WNT3A: variants seen among roughly 807,000 people sequenced by gnomAD.
The protein encoded by WNT3A is protein Wnt-3a.
Under a neutral mutation model 37.0 loss-of-function variants are expected in WNT3A, and 17 were observed. The observed-to-expected ratio is 0.46, with a 90% CI of 0.31 to 0.69. The LOEUF (loss-of-function observed/expected upper bound fraction) is 0.69, where lower values mean the gene tolerates loss of function less well. Among genes scored for constraint, WNT3A ranks in the 30% least tolerant of loss-of-function variants. The pLI is 0.05. For missense variants in WNT3A, 411 were observed against 510.2 expected, an observed-to-expected ratio of 0.81 and a Z score of 1.87; for synonymous variants, 187 against 211.0, an observed-to-expected ratio of 0.89 and a Z score of 0.99.
At chr1:228,057,985 C>T (rs890747702) in intron 3 of WNT3A, among the ~76,000 whole-genome samples, 2 of 152,150 alleles carry the variant, frequency 1.3e-5, no homozygotes, top group African/African-American at 2.4e-5. Context: ...CACAGGTTCC[C>T]GCCACCACGC....
At chr1:228,016,463 C>A (rs1365693458) in intron 1 of WNT3A, among the ~76,000 whole-genome samples, 2 of 152,102 alleles carry the variant, frequency 1.3e-5, no homozygotes, top group Non-Finnish European at 2.9e-5. Flanking sequence ...GGCCACCACC[C>A]ATGTCCCCCT....
chr1:228,007,831 G>A lies in WNT3A; in HGVS notation c.71+632G>A, dbSNP rs543237349. Reference sequence around the variant, plus strand: ...CAGGGGCCCTCTCTGCGAGCCCTCCGCATGGGTCCACCTGGCAATGAGGGG... The same window carrying A: ...CAGGGGCCCTCTCTGCGAGCCCTCCACATGGGTCCACCTGGCAATGAGGGG... On this transcript the variant is annotated intron_variant, in intron 1 of 3. Coordinates refer to ENST00000284523, the MANE Select transcript of WNT3A (RefSeq NM_033131.4). The surrounding 1 kb of genome is among the most constrained non-coding windows in gnomAD (Gnocchi z 6.0). 2.0e-5 allele frequency among the ~76,000 whole-genome samples: 3 copies of A among 151,040 alleles called. No individual in the cohort carries two copies. The highest frequency in any genetic ancestry group is 2.9e-5 in the Non-Finnish European group (2 of 67,822).
chr1:228,058,291 CCTGT>C (rs1200848089), intron 3 of WNT3A, among the ~76,000 whole-genome samples: 3 of 152,202 alleles, frequency 2.0e-5, no homozygotes, highest in Non-Finnish European at 4.4e-5. Context: ...CTCATGGGCT[CCTGT>C]CTGTCCAGTG....
At chr1:228,026,997 C>T (rs947222535) in intron 2 of WNT3A, among the ~76,000 whole-genome samples, 11 of 152,140 alleles carry the variant, frequency 7.2e-5, no homozygotes, top group Non-Finnish European at 1.5e-4. Flanking sequence ...CACCAGCCAC[C>T]AAGCCCCACT....
At chr1:228,044,354 A>C (rs1249049378) in intron 2 of WNT3A, among the ~76,000 whole-genome samples, 1 of 152,126 alleles carries the variant, frequency 6.6e-6, no homozygotes, top group African/African-American at 2.4e-5. Flanking sequence ...GACGTCACTC[A>C]GCTTTCCTTC....
chr1:228,018,796 C>T (rs951911135), intron 1 of WNT3A, among the ~76,000 whole-genome samples: 3 of 152,194 alleles, frequency 2.0e-5, no homozygotes, highest in Non-Finnish European at 4.4e-5. Context: ...TGCTCCCTGG[C>T]CCCACAGGAG....
intron 1 of WNT3A, among the ~76,000 whole-genome samples, chr1:228,015,567 C>G (rs708119): frequency 0.29 from 44,093 of 152,054 alleles, 6,848 homozygotes; most frequent in South Asian, 0.42. Context: ...CTCAGCCTCT[C>G]CCCGGGGACT....
intron 3 of WNT3A, among the ~76,000 whole-genome samples, chr1:228,057,464 C>G (rs1319323059): frequency 3.3e-5 from 5 of 152,194 alleles, no homozygotes; most frequent in African/African-American, 9.7e-5. Context: ...AACTGTTGGA[C>G]TCTTCCAAGT....
chr1:228,023,466 G>A (rs2030780434), intron 2 of WNT3A, among the ~76,000 whole-genome samples: 1 of 151,460 alleles, frequency 6.6e-6, no homozygotes, highest in South Asian at 2.1e-4. Flanking sequence ...GAGACAGAGA[G>A]GGACAGAGCG....
chr1:228,014,856 C>A (rs1479821889), intron 1 of WNT3A, among the ~76,000 whole-genome samples: 1 of 152,214 alleles, frequency 6.6e-6, no homozygotes, highest in Non-Finnish European at 1.5e-5. Context: ...GGAAGAAAAA[C>A]CATTAGTGCT....
chr1:228,060,080 C>T lies in WNT3A; in HGVS notation c.*615C>T, dbSNP rs879768146. 39 of 1,233,656 alleles carry T rather than the reference C, an allele frequency of 3.2e-5. No individual in the cohort carries two copies. Among genetic ancestry groups the T allele is most frequent in the South Asian group, 7.0e-5 (5 of 71,424 alleles). 76.4% of individuals were successfully genotyped at this position (1,233,656 alleles called of 1,614,324 possible). A position where few individuals can be genotyped will look rare whatever the true frequency, so the allele number is the denominator to read the frequency against. ...TGTGGCTCTGGGTGGGCGTGGCCTG[C>T]ATAGGCTCCTTCCTGTGGGTGGGGC... On this transcript the variant is annotated 3_prime_UTR_variant, in exon 4 of 4. Transcript: ENST00000284523.
At chr1:228,032,047 C>T (rs1199358674) in intron 2 of WNT3A, among the ~76,000 whole-genome samples, 2 of 152,182 alleles carry the variant, frequency 1.3e-5, no homozygotes, top group African/African-American at 4.8e-5. Flanking sequence ...CCCTGCTACC[C>T]TCGGGAATCT....
At position 228,039,216 on chromosome 1, in the gene WNT3A, A is replaced by G. The variant is rs2031217421; in HGVS notation, c.314-11440A>G. Among the ~76,000 whole-genome samples the G allele has an allele frequency of 6.6e-6, 1 of 152,298 alleles. No individual in the cohort carries two copies. The highest frequency in any genetic ancestry group is 1.9e-4 in the East Asian group (1 of 5,184). Reference sequence around the variant, plus strand: ...AGGTGAGCATGGGTCAACATCAAGAAGCAGACTGGGCAAAGGCGGCATCCC... The same window carrying G: ...AGGTGAGCATGGGTCAACATCAAGAGGCAGACTGGGCAAAGGCGGCATCCC... On this transcript the variant is annotated intron_variant, in intron 2 of 3. Transcript: ENST00000284523. The surrounding 1 kb of genome is among the most constrained non-coding windows in gnomAD (Gnocchi z 4.1).
At chr1:228,012,378 G>A (rs1281463769) in intron 1 of WNT3A, among the ~76,000 whole-genome samples, 1 of 152,248 alleles carries the variant, frequency 6.6e-6, no homozygotes, top group Non-Finnish European at 1.5e-5. Flanking sequence ...ATTTAAAAAG[G>A]ATTTGGTGAC....
chr1:228,046,429 C>T (rs1374137172), intron 2 of WNT3A, among the ~76,000 whole-genome samples: 1 of 146,412 alleles, frequency 6.8e-6, no homozygotes, highest in Non-Finnish European at 1.5e-5. Flanking sequence ...TGCATGCATG[C>T]ATATGTATGT....
chr1:228,055,179 A>AAAAAAATATATAT (rs2031655964), intron 3 of WNT3A, among the ~76,000 whole-genome samples: 1 of 19,290 alleles, frequency 5.2e-5, no homozygotes, highest in African/African-American at 2.2e-4. Flanking sequence ...AAAAAAAAAA[A>AAAAAAATATATAT]ATATATATAT....
In WNT3A at chr1:228,039,112, G is replaced by A. The variant is rs1289406112; in HGVS notation, c.314-11544G>A. Among the ~76,000 whole-genome samples, 1 of 152,202 alleles carries A rather than the reference G, an allele frequency of 6.6e-6. No homozygotes were observed. Among genetic ancestry groups the A allele is most frequent in the Non-Finnish European group, 1.5e-5 (1 of 68,024 alleles). On this transcript the variant is annotated intron_variant, in intron 2 of 3. Coordinates refer to ENST00000284523, the MANE Select transcript of WNT3A (RefSeq NM_033131.4). The surrounding 1 kb of genome is among the most constrained non-coding windows in gnomAD (Gnocchi z 4.1). The stretch of plus-strand genomic sequence containing the variant: ...CTGGGGGTGTCCAGCCAGACAGTCA[G>A]CATTGCCAGGGGAAAGAGACGAAGC...
rs1032815241 is a variant in WNT3A, at chr1:228,008,078, C to A, written c.71+879C>A. On this transcript the variant is annotated intron_variant, in intron 1 of 3. Transcript: ENST00000284523. The surrounding 1 kb of genome is among the most constrained non-coding windows in gnomAD (Gnocchi z 4.9). ...TGCACATATCCTGTGGGAGGGGGAA[C>A]GGTGGCCACACTTTCGCCAGGGCTT... Among the ~76,000 whole-genome samples the A allele has an allele frequency of 5.3e-5, 8 of 152,210 alleles. No homozygotes were observed. The highest frequency in any genetic ancestry group is 1.0e-4 in the Non-Finnish European group (7 of 68,040).
chr1:228,035,323 C>T (rs1320948700), intron 2 of WNT3A, among the ~76,000 whole-genome samples: 3 of 152,246 alleles, frequency 2.0e-5, no homozygotes, highest in Non-Finnish European at 4.4e-5. Context: ...ATCACTGTGA[C>T]AAAGCAGAGA....
Sources: allele counts gnomAD v4.1 joint callset (sites outside exome capture counted in the v4.1 genomes callset), GRCh38; gene constraint gnomAD v4.1.1; non-coding constraint Gnocchi (gnomAD v3.1); transcripts MANE v1.5; gene names NCBI Gene and HGNC (gene_info 2026-07-23, HGNC 2026-07-21).